The following FLI1 variants were observed in gnomAD, a reference collection of about 807,000 sequenced individuals.
FLI1 encodes the protein Fli-1 proto-oncogene, ETS transcription factor.
A neutral mutation model predicts 53.1 loss-of-function variants in FLI1; 13 were observed. That is an observed-to-expected ratio of 0.24 (90% CI 0.16 to 0.39). The LOEUF (loss-of-function observed/expected upper bound fraction) is 0.39. FLI1 is among the 10% of genes least tolerant of loss of function. FLI1 has a pLI of 1.00. For synonymous variants in FLI1, 244 were observed against 236.7 expected (o/e 1.03, Z -0.28); for missense variants, 424 against 600.5 (o/e 0.71, Z 3.07).
At chr11:128,761,420 G>A (rs1405466190) in intron 2 of FLI1, among the ~76,000 whole-genome samples, 1 of 152,190 alleles carries the variant, frequency 6.6e-6, no homozygotes, top group African/African-American at 2.4e-5. Flanking sequence ...GCCTGAAACG[G>A]TAGGTGCTCA....
Position 128,768,119 on chromosome 11 carries a change from G to C in FLI1, c.232G>C (p.Glu78Gln). 2 of 1,610,226 alleles carry C rather than the reference G, an allele frequency of 1.2e-6. No homozygotes were observed. The highest frequency in any genetic ancestry group is 1.7e-5 in the Admixed American group (1 of 59,622). Reference sequence around the variant, plus strand: ...GGGCTTTGTCTCTTCTCACTTTAGGGAGTCTCCGGTGGACTGCAGCGTTAG... The same window carrying C: ...GGGCTTTGTCTCTTCTCACTTTAGGCAGTCTCCGGTGGACTGCAGCGTTAG... ...REYDHMNGSR[E>Q]SPVDCSVSKC... The change falls in exon 3 of 9, where the codon GAG becomes CAG. Residue 78 changes from glutamate to glutamine, a missense_variant and splice_region_variant. Around this residue, in one of 5 missense-constraint regions of FLI1, gnomAD observed 137 missense variants for 169.1 expected, o/e 0.81. Transcript: ENST00000527786.
chr11:128,775,609 C>T (rs1488191679), intron 4 of FLI1, among the ~76,000 whole-genome samples: 2 of 152,224 alleles, frequency 1.3e-5, no homozygotes, highest in Non-Finnish European at 2.9e-5. Context: ...GGAACTCCCC[C>T]GTGACAACCA....
intron 1 of FLI1, among the ~76,000 whole-genome samples, chr11:128,740,558 C>T (rs1940091379): frequency 6.6e-6 from 1 of 152,224 alleles, no homozygotes; most frequent in African/African-American, 2.4e-5. Context: ...TCTGCATGCT[C>T]AGAGAATGCA....
chr11:128,706,108 G>T (rs1270011002), intron 1 of FLI1, among the ~76,000 whole-genome samples: 1 of 152,114 alleles, frequency 6.6e-6, no homozygotes, highest in Non-Finnish European at 1.5e-5. Context: ...TCTACATAGG[G>T]TTTAACCTTT....
chr11:128,694,047 A>G, upstream of FLI1: 1 of 428,780 alleles, frequency 2.3e-6, no homozygotes, highest in Non-Finnish European at 4.2e-6. Context: ...ATTAGCTGAA[A>G]AAAAAGTTTC....
At chr11:128,711,606 C>T (rs537248095) in intron 1 of FLI1, among the ~76,000 whole-genome samples, 3 of 152,186 alleles carry the variant, frequency 2.0e-5, no homozygotes, top group Non-Finnish European at 4.4e-5. Flanking sequence ...ATGGGCTTTG[C>T]CCTATACCTT....
intron 5 of FLI1, among the ~76,000 whole-genome samples, chr11:128,793,768 C>T (rs1245997871): frequency 1.3e-5 from 2 of 152,212 alleles, no homozygotes; most frequent in Non-Finnish European, 2.9e-5. Flanking sequence ...ACAATGAATG[C>T]ATGAGCCCTG....
chr11:128,695,460 C>T (rs931889010), intron 1 of FLI1, among the ~76,000 whole-genome samples: 1 of 152,166 alleles, frequency 6.6e-6, no homozygotes, highest in African/African-American at 2.4e-5. Flanking sequence ...TCCCCAGAAC[C>T]CGAAAGAATC....
chr11:128,759,672 C>T (rs1398227430), intron 2 of FLI1, among the ~76,000 whole-genome samples: 15 of 152,122 alleles, frequency 9.9e-5, no homozygotes, highest in African/African-American at 2.4e-4. Flanking sequence ...TGTGAGCAGC[C>T]GCAGAAAGGT....
In FLI1 at chr11:128,743,329, C is replaced by A. The variant is rs116168443; in HGVS notation, c.19-14786C>A. ...CTGAGGTAGGAGGATTCCTTGGGCCCAAAAGTTTGAGGCTGCAGTGAGCCG... is the reference window on the plus strand; with the variant it reads ...CTGAGGTAGGAGGATTCCTTGGGCCAAAAAGTTTGAGGCTGCAGTGAGCCG... On this transcript the variant is annotated intron_variant, in intron 1 of 8. Coordinates refer to ENST00000527786, the MANE Select transcript of FLI1 (RefSeq NM_002017.5). 7.8e-3 allele frequency among the ~76,000 whole-genome samples: 1,170 copies of A among 149,880 alleles called. 7 individuals carry two copies. Among genetic ancestry groups the A allele is most frequent in the African/African-American group, 0.027 (1,081 of 40,652 alleles).
chr11:128,768,316 C>G (rs754930165), intron 3 of FLI1, 44 bp downstream of exon 3: 2 of 1,499,422 alleles, frequency 1.3e-6, no homozygotes, highest in Non-Finnish European at 1.8e-6. Flanking sequence ...CACTTCCCCA[C>G]TCTCTGGGGG....
At chr11:128,728,773 CTG>C (rs1939578757) in intron 1 of FLI1, among the ~76,000 whole-genome samples, 1 of 152,224 alleles carries the variant, frequency 6.6e-6, no homozygotes, top group South Asian at 2.1e-4. Flanking sequence ...CCAGCTGTAC[CTG>C]AGTATCAGGT....
At chr11:128,784,875 GTGTC>G (rs1014630923) in intron 5 of FLI1, among the ~76,000 whole-genome samples, 4 of 152,340 alleles carry the variant, frequency 2.6e-5, no homozygotes, top group African/African-American at 7.2e-5. Context: ...GTGTGTGTGT[GTGTC>G]TGTGTGTGAG....
intron 5 of FLI1, among the ~76,000 whole-genome samples, chr11:128,794,427 C>T (rs1337884170): frequency 6.6e-6 from 1 of 152,130 alleles, no homozygotes; most frequent in Non-Finnish European, 1.5e-5. Context: ...CTTGTTTCAC[C>T]AAATTCTCAT....
At chr11:128,786,601 G>A (rs752371695) in intron 5 of FLI1, among the ~76,000 whole-genome samples, 18 of 152,260 alleles carry the variant, frequency 1.2e-4, no homozygotes, top group African/African-American at 3.9e-4. Flanking sequence ...TCCACACCTT[G>A]TTCTCTCCCG....
At chr11:128,727,118 G>C (rs1411062873) in intron 1 of FLI1, among the ~76,000 whole-genome samples, 1 of 152,160 alleles carries the variant, frequency 6.6e-6, no homozygotes, top group Non-Finnish European at 1.5e-5. Flanking sequence ...GTCCGTAGTT[G>C]AAAGAATGTA....
chr11:128,749,168 A>G (rs1378178460), intron 1 of FLI1, among the ~76,000 whole-genome samples: 1 of 152,216 alleles, frequency 6.6e-6, no homozygotes, highest in Non-Finnish European at 1.5e-5. Flanking sequence ...CCTGCCAGCC[A>G]GTGTCAATAA....
chr11:128,800,966 A>G (rs1488921166), intron 5 of FLI1, among the ~76,000 whole-genome samples: 4 of 152,156 alleles, frequency 2.6e-5, no homozygotes, highest in African/African-American at 9.7e-5. Context: ...AGCCTTCACG[A>G]CAGTGAAAAG....
intron 4 of FLI1, among the ~76,000 whole-genome samples, chr11:128,781,633 A>G (rs2847376): frequency 0.12 from 18,212 of 152,194 alleles, 1,264 homozygotes; most frequent in East Asian, 0.19. Flanking sequence ...CTGATTCTCA[A>G]TGCTGTGTTC....
Sources: allele counts gnomAD v4.1 joint callset (sites outside exome capture counted in the v4.1 genomes callset), GRCh38; gene constraint gnomAD v4.1.1; regional missense constraint gnomAD v4.1.1; transcripts MANE v1.5; gene names NCBI Gene and HGNC (gene_info 2026-07-23, HGNC 2026-07-21).